Variants in NCAPD3 observed in about 807,000 individuals in gnomAD.
NCAPD3 encodes the protein condensin-2 complex subunit D3.
NCAPD3 carries 105 observed loss-of-function variants against 182.9 expected under a neutral mutation model. That is an observed-to-expected ratio of 0.57 (90% CI 0.49 to 0.68). The LOEUF is 0.68. Ranked by LOEUF, NCAPD3 falls within the 30% of genes least tolerant of loss-of-function variation. The probability of loss-of-function intolerance (pLI) is 0.00; values close to 1 mark genes in which losing one functional copy is unlikely to be tolerated. For synonymous variants in NCAPD3, 815 were observed against 679.9 expected (o/e 1.20, Z -3.09); for missense variants, 1,944 against 1,837.0 (o/e 1.06, Z -1.07).
At chr11:134,218,453 C>G (rs1938110767) in intron 2 of NCAPD3, among the ~76,000 whole-genome samples, 1 of 152,192 alleles carries the variant, frequency 6.6e-6, no homozygotes, top group Admixed American at 6.5e-5. Flanking sequence ...CTCTCCTGGT[C>G]TCACATTTCT....
At chr11:134,181,805 G>C (rs1944303443) in intron 19 of NCAPD3, among the ~76,000 whole-genome samples, 1 of 151,966 alleles carries the variant, frequency 6.6e-6, no homozygotes, top group Non-Finnish European at 1.5e-5. Context: ...TTGAGCTAAG[G>C]GCCTCCACCC....
chr11:134,176,964 A>G (rs1321486511), intron 23 of NCAPD3, among the ~76,000 whole-genome samples: 2 of 152,238 alleles, frequency 1.3e-5, no homozygotes, highest in Non-Finnish European at 1.5e-5. Context: ...TTTTCTCTAC[A>G]TGGTACTTAT....
At chr11:134,161,648 C>G in intron 28 of NCAPD3, 133 bp downstream of exon 28, 1 of 668,266 alleles carries the variant, frequency 1.5e-6, no homozygotes, top group Non-Finnish European at 2.7e-6. Context: ...CAGCAGTTAC[C>G]AAGGTAATGT....
intron 13 of NCAPD3, among the ~76,000 whole-genome samples, chr11:134,196,116 TAAGA>T (rs1024261432): frequency 3.4e-4 from 51 of 151,736 alleles, no homozygotes; most frequent in African/African-American, 5.3e-4. Context: ...GCGAAGAAAA[TAAGA>T]AAGAAAATTG....
chr11:134,202,964 A>T, intron 12 of NCAPD3, 59 bp from the exon 13 acceptor site: 2 of 1,361,840 alleles, frequency 1.5e-6, no homozygotes, highest in Non-Finnish European at 2.1e-6. Flanking sequence ...TAATAACATT[A>T]GCAGGGCATG....
Position 134,185,005 on chromosome 11 carries a change from A to G in NCAPD3, c.2238-5T>C. The stretch of plus-strand genomic sequence containing the variant: ...TTTGAATTGGGATTCTGCTGACTAG[A>G]GAAAGGGCAGGAGGAATATGAAGGG... On this transcript the variant is annotated splice_polypyrimidine_tract_variant and splice_region_variant and intron_variant, in intron 17 of 34. Transcript: ENST00000534548. 6.3e-7 allele frequency: 1 copy of G among 1,596,746 alleles called. No individual in the cohort carries two copies. The highest frequency in any genetic ancestry group is 1.3e-5 in the African/African-American group (1 of 74,642).
In NCAPD3 at chr11:134,168,509, C is replaced by T. The variant is rs200882627; in HGVS notation, c.3333G>A (p.Gln1111=). The part of the protein sequence containing the change: ...KFLLEHFTDE[Q]RFNITSKICL... ...AGATTTTGGAAGTGATGTTGAATCG[C>T]TGTTCATCTGTGAAGTGCTCTAGAA... is the stretch of plus-strand genomic sequence containing the variant. Residue 1111 remains glutamine, a synonymous_variant, in exon 26 of 35, where the codon CAG becomes CAA. Coordinates refer to ENST00000534548, the MANE Select transcript of NCAPD3 (RefSeq NM_015261.3). 3.4e-4 allele frequency: 544 copies of T among 1,614,190 alleles called. 7 individuals are homozygous for T. In the South Asian group the frequency reaches 5.8e-3, roughly 17 times the overall value.
chr11:134,188,443 G>A (rs1406616793), intron 16 of NCAPD3, among the ~76,000 whole-genome samples: 7 of 152,208 alleles, frequency 4.6e-5, no homozygotes, highest in South Asian at 2.1e-4. Context: ...CCCCTTGCAC[G>A]CTGTGGAAGC....
intron 27 of NCAPD3, among the ~76,000 whole-genome samples, chr11:134,167,503 C>T (rs1347758055): frequency 4.5e-5 from 6 of 133,176 alleles, no homozygotes; most frequent in African/African-American, 1.4e-4. Context: ...GGCGCACACT[C>T]GTGAGATGAG....
chr11:134,154,193 C>G (rs1943349920), intron 32 of NCAPD3: 1 of 152,228 alleles, frequency 6.6e-6, no homozygotes, highest in African/African-American at 2.4e-5. Flanking sequence ...GCTGCAAGGG[C>G]AGTGCTCAAG....
intron 24 of NCAPD3, among the ~76,000 whole-genome samples, chr11:134,169,919 ACCCAC>A (rs1943965431): frequency 6.6e-6 from 1 of 152,204 alleles, no homozygotes; most frequent in African/African-American, 2.4e-5. Flanking sequence ...TGCAATTTCC[ACCCAC>A]ACAGGAGCAC....
At chr11:134,223,411 G>C in intron 1 of NCAPD3, 1 of 702,444 alleles carries the variant, frequency 1.4e-6, no homozygotes, top group East Asian at 2.7e-5. Flanking sequence ...GGTGCCATTA[G>C]CAGGCTTTGG....
chr11:134,215,069 A>G (rs1328065397), intron 3 of NCAPD3, among the ~76,000 whole-genome samples: 1 of 152,260 alleles, frequency 6.6e-6, no homozygotes, highest in African/African-American at 2.4e-5. Flanking sequence ...AATGTAATAT[A>G]CTATATTAGA....
At chr11:134,224,859 G>C (rs1938404083), upstream of NCAPD3, 1 of 164,712 alleles carries the variant, frequency 6.1e-6, no homozygotes, top group South Asian at 2.0e-4. Context: ...GCTGGGACTG[G>C]CTCGGCCGAG....
Position 134,161,763 on chromosome 11 carries a change from C to T in NCAPD3, c.3684+18G>A, listed in dbSNP as rs1173026798. The stretch of plus-strand genomic sequence containing the variant: ...ACTGGTAGGACAACAACCACAAAAG[C>T]ACAGGCTCCACCCTTACCCTGAGAT... On this transcript the variant is annotated intron_variant, in intron 28 of 34. Transcript: ENST00000534548. 7.0e-7 allele frequency: 1 copy of T among 1,436,026 alleles called. No individual in the cohort carries two copies. The highest frequency in any genetic ancestry group is 9.7e-7 in the Non-Finnish European group (1 of 1,025,744). The allele number at this position is 1,436,026 out of a possible 1,614,324, so 89.0% of individuals were successfully genotyped here.
chr11:134,161,922 T>A, intron 27 of NCAPD3, 31 bp from the exon 28 acceptor site: 4 of 1,199,472 alleles, frequency 3.3e-6, no homozygotes, highest in Non-Finnish European at 3.5e-6. Flanking sequence ...ATGTTTTAGA[T>A]GTATGAACTT....
At chr11:134,171,131 G>A (rs1289498919) in intron 24 of NCAPD3, among the ~76,000 whole-genome samples, 2 of 152,092 alleles carry the variant, frequency 1.3e-5, no homozygotes, top group East Asian at 1.9e-4. Context: ...AGTAAGCTGG[G>A]AGCTCGTTCA....
intron 27 of NCAPD3, among the ~76,000 whole-genome samples, chr11:134,164,726 CAT>C (rs1223527909): frequency 6.9e-6 from 1 of 144,798 alleles, no homozygotes; most frequent in Non-Finnish European, 1.5e-5. Flanking sequence ...TCACTTGCGA[CAT>C]GAGTTTAGGG....
chr11:134,210,313 C>G lies in NCAPD3; in HGVS notation c.524G>C (p.Arg175Thr), dbSNP rs748665790. The G allele has an allele frequency of 1.3e-5, 21 of 1,613,888 alleles. No homozygotes were observed. The highest frequency in any genetic ancestry group is 1.7e-5 in the Non-Finnish European group (20 of 1,179,992). ...QPKSSQANPG[R>T]HRKRGKPPRR... ...GGGTGGCTTTCCCCTTTTTCTATGCCTCCCGGGGTTAGCCTGAGAGCTCTT... is the reference window on the plus strand; with the variant it reads ...GGGTGGCTTTCCCCTTTTTCTATGCGTCCCGGGGTTAGCCTGAGAGCTCTT... Residue 175 changes from arginine to threonine, a missense_variant, in exon 4 of 35, where the codon AGG (arginine) becomes ACG (threonine). Physicochemically the swap from Arg to Thr is moderately conservative, Grantham distance 71. Around this residue, in one of 3 missense-constraint regions of NCAPD3, gnomAD observed 1,803 missense variants for 1,674.6 expected, o/e 1.08. Coordinates refer to ENST00000534548, the MANE Select transcript of NCAPD3 (RefSeq NM_015261.3).
Sources: allele counts gnomAD v4.1 joint callset (sites outside exome capture counted in the v4.1 genomes callset), GRCh38; gene constraint gnomAD v4.1.1; regional missense constraint gnomAD v4.1.1; transcripts MANE v1.5; gene names NCBI Gene and HGNC (gene_info 2026-07-23, HGNC 2026-07-21).